IL1RAPL2: variants seen among roughly 807,000 people sequenced by gnomAD.
IL1RAPL2 encodes X-linked interleukin-1 receptor accessory protein-like 2.
A neutral mutation model predicts 44.1 loss-of-function variants in IL1RAPL2; 3 were observed. The observed-to-expected ratio is 0.07, with a 90% confidence interval of 0.03 to 0.18. The LOEUF is 0.18. Ranked by LOEUF, IL1RAPL2 falls within the 10% of genes least tolerant of loss-of-function variation. IL1RAPL2 has a pLI of 1.00. For synonymous variants in IL1RAPL2, 181 were observed against 178.8 expected (o/e 1.01, Z -0.10); for missense variants, 391 against 496.4 (o/e 0.79, Z 2.02).
intron 5 of IL1RAPL2, among the ~76,000 whole-genome samples, chrX:105,449,763 A>G (rs1016637015): frequency 9.1e-5 from 10 of 109,633 alleles, no homozygotes; most frequent in African/African-American, 1.4e-4. Flanking sequence ...ACAAAAAACA[A>G]AAAACAGAAG....
intron 3 of IL1RAPL2, among the ~76,000 whole-genome samples, chrX:105,198,200 G>A (rs57759838): frequency 0.096 from 10,715 of 111,183 alleles, 1,322 homozygotes; most frequent in African/African-American, 0.33. Context: ...ATAGCACTAC[G>A]ATAAATACAT....
chrX:105,754,677 T>C (rs1356683907), intron 9 of IL1RAPL2, among the ~76,000 whole-genome samples: 3 of 112,354 alleles, frequency 2.7e-5, no homozygotes, highest in East Asian at 2.8e-4. Flanking sequence ...ACTGGAACTA[T>C]GGCATGTGCT....
intron 5 of IL1RAPL2, among the ~76,000 whole-genome samples, chrX:105,293,636 A>G (rs2034632462): frequency 8.9e-6 from 1 of 112,175 alleles, no homozygotes; most frequent in African/African-American, 3.2e-5. Flanking sequence ...GCATGTTTTC[A>G]TATAATTCAA....
rs1283663300 is a variant in IL1RAPL2 at position 104,954,801 on chromosome X, C to A, written c.83-240674C>A. Among the ~76,000 whole-genome samples, 3 of 112,784 alleles carry A rather than the reference C, an allele frequency of 2.7e-5. No individual in the cohort carries two copies. The East Asian group carries it at 8.4e-4, about 31-fold the overall frequency. On this transcript the variant is annotated intron_variant, in intron 2 of 10. Transcript: ENST00000372582. ...TGTGGCCATATTGCAAGGCAGGCAA[C>A]CCCCTAAATTGGGGCCTAGCCCCAG...
chrX:105,713,549 C>T (rs2038231915), intron 6 of IL1RAPL2, among the ~76,000 whole-genome samples: 1 of 111,459 alleles, frequency 9.0e-6, no homozygotes, highest in African/African-American at 3.3e-5. Context: ...CATCCCCCAC[C>T]AGGTGCATCC....
intron 2 of IL1RAPL2, among the ~76,000 whole-genome samples, chrX:104,902,561 G>C (rs1016296467): frequency 9.0e-6 from 1 of 110,915 alleles, no homozygotes; most frequent in Non-Finnish European, 1.9e-5. Flanking sequence ...TACTCTAATA[G>C]CTAGGTATTT....
At chrX:105,100,648 G>A (rs1429460281) in intron 2 of IL1RAPL2, among the ~76,000 whole-genome samples, 1 of 111,981 alleles carries the variant, frequency 8.9e-6, no homozygotes, top group Non-Finnish European at 1.9e-5. Flanking sequence ...GAACTCCAGA[G>A]GTGGTAGGGC....
At chrX:104,745,201 C>A (rs191149304) in intron 2 of IL1RAPL2, among the ~76,000 whole-genome samples, 1 of 111,365 alleles carries the variant, frequency 9.0e-6, no homozygotes, top group East Asian at 2.9e-4. Flanking sequence ...TTTTCCTTTA[C>A]GTGCTTTATG....
intron 2 of IL1RAPL2, among the ~76,000 whole-genome samples, chrX:104,776,960 G>A (rs1179769820): frequency 3.6e-5 from 4 of 111,054 alleles, no homozygotes; most frequent in Admixed American, 9.6e-5. Flanking sequence ...TTTAACCATC[G>A]TGTCTATGTA....
At chrX:105,745,117 G>A (rs1209727836) in intron 8 of IL1RAPL2, among the ~76,000 whole-genome samples, 3 of 111,000 alleles carry the variant, frequency 2.7e-5, no homozygotes, top group Non-Finnish European at 5.7e-5. Flanking sequence ...GTCTGGTAGG[G>A]GCCTGTTCCT....
intron 2 of IL1RAPL2, among the ~76,000 whole-genome samples, chrX:104,699,434 G>T (rs969588851): frequency 5.4e-5 from 6 of 111,107 alleles, no homozygotes; most frequent in Non-Finnish European, 1.1e-4. Context: ...TCACAATAGG[G>T]CTCGCACTCC....
At chrX:104,829,912 T>C (rs1169721257) in intron 2 of IL1RAPL2, among the ~76,000 whole-genome samples, 1 of 112,025 alleles carries the variant, frequency 8.9e-6, no homozygotes, top group Non-Finnish European at 1.9e-5. Context: ...AACATAGTTA[T>C]TACTGATTTA....
At chrX:105,290,144 G>A (rs1459632390) in intron 5 of IL1RAPL2, among the ~76,000 whole-genome samples, 1 of 111,154 alleles carries the variant, frequency 9.0e-6, no homozygotes, top group African/African-American at 3.3e-5. Flanking sequence ...TCAGGTTCTT[G>A]TCCTTAAGAG....
At chrX:104,582,709 ATTTC>A (rs1472845687) in intron 1 of IL1RAPL2, among the ~76,000 whole-genome samples, 19 of 30,444 alleles carry the variant, frequency 6.2e-4, no homozygotes, top group African/African-American at 2.5e-3. Context: ...TCTCTCCTTT[ATTTC>A]TTTCTTTCTC....
intron 2 of IL1RAPL2, among the ~76,000 whole-genome samples, chrX:105,161,237 A>AATAATT (rs1408195985): frequency 9.2e-6 from 1 of 109,048 alleles, no homozygotes; most frequent in Non-Finnish European, 1.9e-5. Context: ...TAATAATAAT[A>AATAATT]ATAATAATTG....
intron 5 of IL1RAPL2, among the ~76,000 whole-genome samples, chrX:105,407,909 A>T (rs757413926): frequency 1.8e-5 from 2 of 112,439 alleles, no homozygotes; most frequent in South Asian, 7.3e-4. Context: ...TCACAAGCAT[A>T]GGAAGATACT....
At chrX:105,396,199 A>G (rs1033451091) in intron 5 of IL1RAPL2, among the ~76,000 whole-genome samples, 2 of 110,270 alleles carry the variant, frequency 1.8e-5, no homozygotes, top group East Asian at 5.8e-4. Flanking sequence ...AAAATTGATC[A>G]ATTTATGTTA....
At chrX:104,791,929 C>G (rs965237246) in intron 2 of IL1RAPL2, among the ~76,000 whole-genome samples, 1 of 110,650 alleles carries the variant, frequency 9.0e-6, no homozygotes, top group African/African-American at 3.3e-5. Context: ...TTTTTTTATG[C>G]CTTTTCGGGG....
intron 2 of IL1RAPL2, among the ~76,000 whole-genome samples, chrX:104,714,839 C>G (rs1931526613): frequency 9.0e-6 from 1 of 111,075 alleles, no homozygotes; most frequent in Non-Finnish European, 1.9e-5. Flanking sequence ...CCTACTTGAT[C>G]ATAGTGAATA....
Sources: gnomAD v4.1 joint callset for allele counts (sites outside exome capture counted in the v4.1 genomes callset) on GRCh38, gnomAD v4.1.1 for gene constraint, MANE v1.5 for transcripts, NCBI Gene and HGNC (gene_info 2026-07-23, HGNC 2026-07-21) for gene names.